Variants in PDS5A observed in about 807,000 individuals in gnomAD.
PDS5A encodes sister chromatid cohesion protein PDS5 homolog A.
Under a neutral mutation model 167.1 loss-of-function variants are expected in PDS5A, and 42 were observed. That is an observed-to-expected ratio of 0.25 (90% confidence interval 0.20 to 0.33). The LOEUF (loss-of-function observed/expected upper bound fraction) is 0.33. Ranked by LOEUF, PDS5A falls within the 10% of genes least tolerant of loss-of-function variation. The pLI is 1.00. For synonymous variants in PDS5A, 553 were observed against 554.6 expected (o/e 1.00, Z 0.04); for missense variants, 1,033 against 1,605.9 (o/e 0.64, Z 6.10).
chr4:39,865,643 A>G (rs1719378183), intron 23 of PDS5A, among the ~76,000 whole-genome samples: 1 of 152,242 alleles, frequency 6.6e-6, no homozygotes, highest in Non-Finnish European at 1.5e-5. Context: ...TTCATGCCTT[A>G]GCCTCCCCAG....
intron 11 of PDS5A, among the ~76,000 whole-genome samples, chr4:39,905,645 C>T (rs537103386): frequency 6.6e-6 from 1 of 151,912 alleles, no homozygotes; most frequent in African/African-American, 2.4e-5. Context: ...AGAGAGGGAC[C>T]AAAACAAACA....
chr4:39,945,421 A>G (rs545044798), intron 2 of PDS5A, among the ~76,000 whole-genome samples: 11 of 145,752 alleles, frequency 7.5e-5, no homozygotes, highest in Admixed American at 2.1e-4. Flanking sequence ...AGATCACGCC[A>G]TTGCACTCCA....
At chr4:39,837,081 C>A (rs1011045275) in intron 32 of PDS5A, 1 of 150,314 alleles carries the variant, frequency 6.7e-6, no homozygotes, top group Non-Finnish European at 1.5e-5. Flanking sequence ...ATCCACCCAC[C>A]TAGGCCTCCC....
intron 23 of PDS5A, 113 bp downstream of exon 23, chr4:39,866,748 C>A: frequency 3.5e-6 from 3 of 863,190 alleles, no homozygotes; most frequent in Non-Finnish European, 5.2e-6. Context: ...AAGATCTGAC[C>A]CTGAAGATCA....
intron 10 of PDS5A, 58 bp downstream of exon 10, chr4:39,910,186 A>T: frequency 1.2e-6 from 1 of 852,868 alleles, no homozygotes; most frequent in South Asian, 1.5e-5. Context: ...GTCACAAGTC[A>T]TATCTACAAT....
At chr4:39,970,790 C>CCT (rs1553911026) in intron 2 of PDS5A, among the ~76,000 whole-genome samples, 7 of 88,496 alleles carry the variant, frequency 7.9e-5, no homozygotes, top group South Asian at 5.4e-4. Flanking sequence ...CCGCTTGTTC[C>CCT]TTTTTTTTTT....
chr4:39,962,946 A>G (rs1228887606), intron 2 of PDS5A, among the ~76,000 whole-genome samples: 4 of 151,844 alleles, frequency 2.6e-5, no homozygotes, highest in African/African-American at 9.7e-5. Flanking sequence ...TGGGCGACAG[A>G]GCAAAACTCC....
chr4:39,942,455 T>C (rs1727311666), intron 2 of PDS5A, among the ~76,000 whole-genome samples: 1 of 152,142 alleles, frequency 6.6e-6, no homozygotes, highest in Admixed American at 6.6e-5. Context: ...TTTGCCCAAA[T>C]TCCATTTTTT....
intron 8 of PDS5A, among the ~76,000 whole-genome samples, chr4:39,915,777 TA>T (rs1377821144): frequency 1.3e-5 from 2 of 152,212 alleles, no homozygotes; most frequent in Admixed American, 6.5e-5. Flanking sequence ...AAAGAAAAAG[TA>T]ATCTATCCCT....
intron 32 of PDS5A, among the ~76,000 whole-genome samples, chr4:39,830,817 C>A (rs1260441774): frequency 6.6e-6 from 1 of 152,130 alleles, no homozygotes; most frequent in African/African-American, 2.4e-5. Context: ...TGATCTATCT[C>A]TCGGTTTTCC....
chr4:39,864,336 T>C (rs1293281967), intron 23 of PDS5A, among the ~76,000 whole-genome samples: 1 of 152,082 alleles, frequency 6.6e-6, no homozygotes, highest in Non-Finnish European at 1.5e-5. Context: ...ATATGAAATA[T>C]AAGAGGCCAG....
intron 29 of PDS5A, 31 bp from the exon 30 acceptor site, chr4:39,844,832 A>C (rs1717444142): frequency 1.3e-6 from 2 of 1,586,514 alleles, no homozygotes. Context: ...CCCCCCAAAA[A>C]CACACACGTT....
intron 2 of PDS5A, among the ~76,000 whole-genome samples, chr4:39,935,862 A>C (rs1232404379): frequency 6.6e-6 from 1 of 152,252 alleles, no homozygotes; most frequent in Non-Finnish European, 1.5e-5. Context: ...CATTTAAGCC[A>C]AAAATTCCAT....
At position 39,898,452 on chromosome 4, in the gene PDS5A, A is replaced by G. The variant is rs1722608045; in HGVS notation, c.1707T>C (p.Leu569=). ...FNQVLGDDEK[L]RSQLELLISP... ...TAATTAATAACTCCAACTGAGACCG[A>G]AGTTTCTCATCATCGCCGAGAACCT... Residue 569 remains leucine (L), a synonymous_variant, in exon 16 of 33, where the codon CTT becomes CTC. Transcript: ENST00000303538. The G allele has an allele frequency of 3.1e-6, 5 of 1,600,620 alleles. No homozygotes were observed. The East Asian group carries it at 1.1e-4, about 36-fold the overall frequency.
intron 17 of PDS5A, among the ~76,000 whole-genome samples, chr4:39,886,282 C>A (rs1295878840): frequency 6.6e-6 from 1 of 152,090 alleles, no homozygotes; most frequent in Non-Finnish European, 1.5e-5. Context: ...CCTCATATTG[C>A]TTTGGCTATT....
intron 9 of PDS5A, among the ~76,000 whole-genome samples, chr4:39,911,992 A>T (rs927528791): frequency 3.3e-5 from 5 of 152,158 alleles, no homozygotes; most frequent in Admixed American, 1.3e-4. Context: ...ATGATCTCAT[A>T]AAAAAACCAA....
rs1419226558 is a variant in PDS5A, at chr4:39,824,128, T to TTCA, written c.*1354_*1356dup. On this transcript the variant is annotated 3_prime_UTR_variant, in exon 33 of 33. Transcript: ENST00000303538. ...ACTCTGGACATGAGAAAAGACAAAT[T>TTCA]TCATGTTCCTCCAGAATCAGGTCTT... 3 of 152,194 alleles carry TTCA rather than the reference T, an allele frequency of 2.0e-5. No individual in the cohort carries two copies. The highest frequency in any genetic ancestry group is 6.6e-5 in the Admixed American group (1 of 15,266). The allele number at this position is 152,194 out of a possible 1,614,324, so 9.4% of individuals were successfully genotyped here. A position where few individuals can be genotyped will look rare whatever the true frequency, so the allele number is the denominator to read the frequency against.
At chr4:39,901,575 A>C (rs2109654061) in intron 13 of PDS5A, among the ~76,000 whole-genome samples, 1 of 152,284 alleles carries the variant, frequency 6.6e-6, no homozygotes, top group Middle Eastern at 3.4e-3. Context: ...CGGCCTAAAA[A>C]TGCAGTCTTA....
Position 39,945,979 on chromosome 4 carries a change from G to C in PDS5A, c.139-17815C>G, listed in dbSNP as rs564916248. Among the ~76,000 whole-genome samples the C allele has an allele frequency of 3.3e-4, 50 of 151,968 alleles. No homozygotes were observed. The South Asian group carries it at 5.6e-3, about 17-fold the overall frequency. ...CACTTTGGGAGGCCGTGGAGGGAGG[G>C]GGGGATCACTTGAGGTCAGGAGTTC... On this transcript the variant is annotated intron_variant, in intron 2 of 32. Coordinates refer to ENST00000303538, the MANE Select transcript of PDS5A (RefSeq NM_001100399.2).
Sources: allele counts gnomAD v4.1 joint callset (sites outside exome capture counted in the v4.1 genomes callset), GRCh38; gene constraint gnomAD v4.1.1; transcripts MANE v1.5; gene names NCBI Gene and HGNC (gene_info 2026-07-23, HGNC 2026-07-21).